PCDH10: variants seen among roughly 807,000 people sequenced by gnomAD.
The protein encoded by PCDH10 is protocadherin-10.
In PCDH10, 15 loss-of-function variants were observed where a neutral mutation model predicts 74.4. The observed-to-expected ratio is 0.20, with a 90% CI of 0.13 to 0.31. The LOEUF is 0.31. Ranked by LOEUF, PCDH10 falls within the 10% of genes least tolerant of loss-of-function variation. PCDH10 has a pLI of 1.00. For synonymous variants in PCDH10, 619 were observed against 589.8 expected, an observed-to-expected ratio of 1.05 and a Z score of -0.72; for missense variants, 1,260 against 1,390.2, an observed-to-expected ratio of 0.91 and a Z score of 1.49.
chr4:133,196,321 A>T (rs1350065223), downstream of PCDH10, among the ~76,000 whole-genome samples: 1 of 152,158 alleles, frequency 6.6e-6, no homozygotes, highest in Admixed American at 6.6e-5. Context: ...AATCAGGAGT[A>T]CTGATTGGAG....
chr4:133,177,966 T>G (rs962023981), intron 4 of PCDH10, among the ~76,000 whole-genome samples: 12 of 152,166 alleles, frequency 7.9e-5, no homozygotes, highest in Non-Finnish European at 1.6e-4. Flanking sequence ...CTGTGTGATT[T>G]TTAATGGATA....
At chr4:133,159,420 AAAAT>A (rs769643814) in intron 3 of PCDH10, among the ~76,000 whole-genome samples, 10 of 152,222 alleles carry the variant, frequency 6.6e-5, no homozygotes, top group Non-Finnish European at 1.2e-4. Flanking sequence ...AAAAGTGGAA[AAAAT>A]AAATAACTAG....
chr4:133,154,282 C>G (rs1003486530), intron 1 of PCDH10, 25 bp from the exon 2 acceptor site: 3 of 1,551,464 alleles, frequency 1.9e-6, no homozygotes, highest in African/African-American at 2.7e-5. Context: ...TTCAAATGCT[C>G]TTGATTTATT....
At chr4:133,202,361 T>C (rs1727922577) in intron 2 of PCDH10, among the ~76,000 whole-genome samples, 1 of 152,304 alleles carries the variant, frequency 6.6e-6, no homozygotes, top group East Asian at 1.9e-4. Flanking sequence ...TTAATTAAAC[T>C]AGCGGCTCGA....
At chr4:133,166,451 G>A (rs1289301024) in intron 4 of PCDH10, among the ~76,000 whole-genome samples, 2 of 151,522 alleles carry the variant, frequency 1.3e-5, no homozygotes, top group African/African-American at 4.8e-5. Context: ...TTTAGAATCA[G>A]ACATCTTATT....
At position 133,179,542 on chromosome 4, in the gene PCDH10, C is replaced by G. The variant is rs923257604; in HGVS notation, c.3104-10599C>G. 2.0e-5 allele frequency among the ~76,000 whole-genome samples: 3 copies of G among 152,104 alleles called. No homozygotes were observed. The East Asian group carries it at 5.8e-4, about 29-fold the overall frequency. On this transcript the variant is annotated intron_variant, in intron 4 of 4. Transcript: ENST00000264360. ...TGACATCCTCTCTCATCTGAAAACC[C>G]GCTTTTCTCTCCATTCATCTGCATG...
In PCDH10 at chr4:133,191,735, A is replaced by G. The variant is rs1727674572; in HGVS notation, c.*1575A>G. 6.6e-6 allele frequency: 1 copy of G among 151,738 alleles called. No homozygotes were observed. The highest frequency in any genetic ancestry group is 1.5e-5 in the Non-Finnish European group (1 of 67,716). 9.4% of individuals were successfully genotyped at this position (151,738 alleles called of 1,614,324 possible). A position where few individuals can be genotyped will look rare whatever the true frequency, so the allele number is the denominator to read the frequency against. On this transcript the variant is annotated 3_prime_UTR_variant, in exon 5 of 5. Coordinates refer to ENST00000264360, the MANE Select transcript of PCDH10 (RefSeq NM_032961.3). ...CTCTAAACTATGATATCAAAACATC[A>G]TATCAAAGCTTCAACATTATATCAA... is the stretch of plus-strand genomic sequence containing the variant.
chr4:133,152,999 A>C, intron 1 of PCDH10: 1 of 1,438,810 alleles, frequency 7.0e-7, no homozygotes, highest in South Asian at 1.6e-5. Context: ...TCCCCTTGGT[A>C]CTTTGCCACC....
rs1025250706 is a variant in PCDH10, at chr4:133,191,337, A to G, written c.*1177A>G. 1.3e-5 allele frequency: 2 copies of G among 152,238 alleles called. No homozygotes were observed. The highest frequency in any genetic ancestry group is 6.6e-5 in the Admixed American group (1 of 15,194). The allele number at this position is 152,238 out of a possible 1,614,324, so 9.4% of individuals were successfully genotyped here. A position where few individuals can be genotyped will look rare whatever the true frequency, so the allele number is the denominator to read the frequency against. The stretch of plus-strand genomic sequence containing the variant: ...TATAATTCTATATGAATATATAGAG[A>G]TATAGAAACATCTGAACTGGTAAAG... On this transcript the variant is annotated 3_prime_UTR_variant, in exon 5 of 5. Coordinates refer to ENST00000264360, the MANE Select transcript of PCDH10 (RefSeq NM_032961.3).
At chr4:133,205,693 T>C (rs983510881) in intron 2 of PCDH10, among the ~76,000 whole-genome samples, 4 of 152,108 alleles carry the variant, frequency 2.6e-5, no homozygotes, top group Admixed American at 6.5e-5. Context: ...CTTTTTCTTC[T>C]CTATATTTTA....
chr4:133,201,974 T>C (rs1424387698), intron 2 of PCDH10, among the ~76,000 whole-genome samples: 1 of 151,756 alleles, frequency 6.6e-6, no homozygotes, highest in Non-Finnish European at 1.5e-5. Flanking sequence ...CATTTGAGGC[T>C]CTCTTGGTTA....
At chr4:133,199,538 G>C (rs1309723018), downstream of PCDH10, among the ~76,000 whole-genome samples, 1 of 149,998 alleles carries the variant, frequency 6.7e-6, no homozygotes, top group Non-Finnish European at 1.5e-5. Context: ...TGGTCAGTCA[G>C]CTGATGAAGG....
At chr4:133,206,217 AT>A (rs1728001689) in intron 2 of PCDH10, among the ~76,000 whole-genome samples, 1 of 152,036 alleles carries the variant, frequency 6.6e-6, no homozygotes, top group Non-Finnish European at 1.5e-5. Context: ...CTGAAAACTA[AT>A]TGGGAAAAAA....
At chr4:133,199,787 C>CTATTAT (rs200419038) in intron 2 of PCDH10, among the ~76,000 whole-genome samples, 17,437 of 135,608 alleles carry the variant, frequency 0.13, 1,312 homozygotes, top group Non-Finnish European at 0.17. Context: ...ATTATTATTA[C>CTATTAT]TATTATTATT....
intron 4 of PCDH10, among the ~76,000 whole-genome samples, chr4:133,173,000 A>C (rs1021431187): frequency 6.6e-6 from 1 of 152,004 alleles, no homozygotes; most frequent in Non-Finnish European, 1.5e-5. Flanking sequence ...TTATTGATTG[A>C]AACTTAATCC....
At chr4:133,171,395 G>T (rs1415847623) in intron 4 of PCDH10, among the ~76,000 whole-genome samples, 1 of 152,034 alleles carries the variant, frequency 6.6e-6, no homozygotes, top group Non-Finnish European at 1.5e-5. Flanking sequence ...AAGCATAGAA[G>T]TAACACATAA....
downstream of PCDH10, among the ~76,000 whole-genome samples, chr4:133,195,743 A>G (rs1473428193): frequency 4.6e-5 from 7 of 152,114 alleles, no homozygotes; most frequent in Non-Finnish European, 1.0e-4. Context: ...AAAATAAGTA[A>G]ATAAAATAGA....
intron 4 of PCDH10, among the ~76,000 whole-genome samples, chr4:133,172,138 T>G (rs1260775390): frequency 6.6e-6 from 1 of 152,014 alleles, no homozygotes; most frequent in Non-Finnish European, 1.5e-5. Flanking sequence ...CCAAACATGT[T>G]TCATCCAAAC....
chr4:133,164,308 C>A (rs1220736950), intron 4 of PCDH10, among the ~76,000 whole-genome samples: 1 of 151,874 alleles, frequency 6.6e-6, no homozygotes, highest in Non-Finnish European at 1.5e-5. Context: ...ATTAAAATAG[C>A]CTAAAATCAA....
Sources: gnomAD v4.1 joint callset for allele counts (sites outside exome capture counted in the v4.1 genomes callset) on GRCh38, gnomAD v4.1.1 for gene constraint, MANE v1.5 for transcripts, NCBI Gene and HGNC (gene_info 2026-07-23, HGNC 2026-07-21) for gene names.